CHD6: variants seen among roughly 807,000 people sequenced by gnomAD.
CHD6 encodes ATP-dependent chromatin remodeler CHD6.
CHD6 carries 50 observed loss-of-function variants against 276.9 expected under a neutral mutation model. The observed-to-expected ratio is 0.18, with a 90% CI of 0.14 to 0.23. CHD6 has a LOEUF of 0.23. Ranked by LOEUF, CHD6 falls within the 10% of genes least tolerant of loss-of-function variation. The pLI, the probability that CHD6 is intolerant of heterozygous loss-of-function variation, is 1.00. For synonymous variants in CHD6, 1,173 were observed against 1,229.3 expected, an observed-to-expected ratio of 0.95 and a Z score of 0.96; for missense variants, 2,564 against 3,365.8, an observed-to-expected ratio of 0.76 and a Z score of 5.89.
At chr20:41,458,715 G>A (rs1270755423) in intron 17 of CHD6, among the ~76,000 whole-genome samples, 5 of 152,078 alleles carry the variant, frequency 3.3e-5, no homozygotes, top group Non-Finnish European at 5.9e-5. Flanking sequence ...CACTCCTCTT[G>A]TACATTTCCT....
intron 1 of CHD6, among the ~76,000 whole-genome samples, chr20:41,598,074 A>C (rs189309433): frequency 6.6e-6 from 1 of 152,252 alleles, no homozygotes; most frequent in African/African-American, 2.4e-5. Context: ...TATCCCTAAA[A>C]CTATACAATT....
intron 27 of CHD6, among the ~76,000 whole-genome samples, chr20:41,434,456 T>C (rs1287314637): frequency 1.3e-5 from 2 of 152,140 alleles, no homozygotes; most frequent in Admixed American, 6.5e-5. Context: ...CTGCAACCTC[T>C]GCCTCCCGGG....
chr20:41,554,432 T>C (rs954095268), intron 1 of CHD6, among the ~76,000 whole-genome samples: 1 of 151,994 alleles, frequency 6.6e-6, no homozygotes, highest in Admixed American at 6.5e-5. Flanking sequence ...TGGGTGTTTC[T>C]CGCAGAGGGG....
chr20:41,446,141 C>G (rs1205311079), intron 24 of CHD6, among the ~76,000 whole-genome samples: 2 of 152,176 alleles, frequency 1.3e-5, no homozygotes, highest in African/African-American at 4.8e-5. Context: ...GGTAGAGCTT[C>G]CCCAAGAGTT....
intron 1 of CHD6, among the ~76,000 whole-genome samples, chr20:41,556,145 G>A (rs1331638215): frequency 9.9e-5 from 15 of 152,164 alleles, no homozygotes; most frequent in African/African-American, 3.6e-4. Context: ...GCAGGCACTC[G>A]GCAGGCTGAG....
intron 5 of CHD6, among the ~76,000 whole-genome samples, chr20:41,507,001 C>T (rs1248902925): frequency 6.6e-6 from 1 of 152,172 alleles, no homozygotes; most frequent in East Asian, 1.9e-4. Flanking sequence ...AATGATATGA[C>T]GTATGAGTTA....
chr20:41,544,167 G>C (rs2044997220), intron 2 of CHD6, among the ~76,000 whole-genome samples: 9 of 152,140 alleles, frequency 5.9e-5, no homozygotes, highest in Admixed American at 5.9e-4. Flanking sequence ...TTGAACCCGG[G>C]AGGTGGAGGT....
chr20:41,494,458 A>C (rs143945284), intron 8 of CHD6, among the ~76,000 whole-genome samples: 235 of 152,382 alleles, frequency 1.5e-3, no homozygotes, highest in African/African-American at 5.4e-3. Flanking sequence ...GCTTCAAAAA[A>C]AGTTTACTAC....
intron 8 of CHD6, among the ~76,000 whole-genome samples, chr20:41,496,366 T>C (rs2043685359): frequency 6.6e-6 from 1 of 152,150 alleles, no homozygotes; most frequent in South Asian, 2.1e-4. Flanking sequence ...ATTTATTCTC[T>C]CAGTATTGGA....
chr20:41,419,026 G>T (rs781596715), intron 31 of CHD6, among the ~76,000 whole-genome samples: 1 of 152,010 alleles, frequency 6.6e-6, no homozygotes, highest in Non-Finnish European at 1.5e-5. Flanking sequence ...ATTTTTACCC[G>T]CAACAGGGTT....
chr20:41,545,188 C>T (rs182267019), intron 2 of CHD6, among the ~76,000 whole-genome samples: 137 of 152,266 alleles, frequency 9.0e-4, no homozygotes, highest in Non-Finnish European at 1.7e-3. Context: ...CTCTTTTCCA[C>T]GTGATGCCCT....
chr20:41,402,902 G>T lies in CHD6; in HGVS notation c.*1691C>A, dbSNP rs1013457505. 2 of 206,916 alleles carry T rather than the reference G, an allele frequency of 9.7e-6. No individual in the cohort carries two copies. The highest frequency in any genetic ancestry group is 3.8e-4 in the South Asian group (2 of 5,294). 12.8% of individuals were successfully genotyped at this position (206,916 alleles called of 1,614,324 possible). On this transcript the variant is annotated 3_prime_UTR_variant, in exon 37 of 37. Transcript: ENST00000373233. ...TTAAATAGGATTTGTTCAATTACTG[G>T]ATTCTTCTTCTATGATCAGTTATAG...
chr20:41,411,032 A>G (rs2046827066), intron 36 of CHD6, among the ~76,000 whole-genome samples: 1 of 152,186 alleles, frequency 6.6e-6, no homozygotes, highest in Admixed American at 6.5e-5. Flanking sequence ...AAGTGAGGGA[A>G]GAGTCCTAAG....
At chr20:41,599,522 G>A (rs190548024) in intron 1 of CHD6, among the ~76,000 whole-genome samples, 3 of 152,132 alleles carry the variant, frequency 2.0e-5, no homozygotes, top group East Asian at 1.9e-4. Context: ...CAGGGCAAAG[G>A]CTTATAAAAA....
intron 5 of CHD6, among the ~76,000 whole-genome samples, chr20:41,512,008 C>T (rs1272158375): frequency 2.0e-5 from 3 of 152,148 alleles, no homozygotes; most frequent in Non-Finnish European, 4.4e-5. Flanking sequence ...TGCTCTGTCA[C>T]CCAGGCTGGA....
At chr20:41,470,831 G>C (rs534882967) in intron 17 of CHD6, among the ~76,000 whole-genome samples, 1 of 152,366 alleles carries the variant, frequency 6.6e-6, no homozygotes, top group South Asian at 2.1e-4. Context: ...TCACCTAGGT[G>C]AAGCATGGTC....
intron 1 of CHD6, among the ~76,000 whole-genome samples, chr20:41,589,453 G>A (rs1159641812): frequency 6.6e-6 from 1 of 152,200 alleles, no homozygotes; most frequent in Non-Finnish European, 1.5e-5. Context: ...TGACGTGATT[G>A]TATATTTAGA....
chr20:41,518,213 G>GT, intron 3 of CHD6, among the ~76,000 whole-genome samples: 1 of 152,144 alleles, frequency 6.6e-6, no homozygotes. Context: ...CTTACTAAAC[G>GT]TAACTTCATT....
intron 1 of CHD6, among the ~76,000 whole-genome samples, chr20:41,590,498 A>C (rs147060816): frequency 0.016 from 2,497 of 152,338 alleles, 27 homozygotes; most frequent in Non-Finnish European, 0.029. Context: ...ATCTACAAAG[A>C]ACTCTAACAA....
Sources: gnomAD v4.1 joint callset for allele counts (sites outside exome capture counted in the v4.1 genomes callset) on GRCh38, gnomAD v4.1.1 for gene constraint, MANE v1.5 for transcripts, NCBI Gene and HGNC (gene_info 2026-07-23, HGNC 2026-07-21) for gene names.